Variants in HECTD2 observed in about 807,000 individuals in gnomAD.
HECTD2 encodes HECT domain E3 ubiquitin protein ligase 2.
Under a neutral mutation model 103.2 loss-of-function variants are expected in HECTD2, and 35 were observed. That is an observed-to-expected ratio of 0.34 (90% CI 0.26 to 0.45). The LOEUF (loss-of-function observed/expected upper bound fraction) is 0.45, where lower values mean the gene tolerates loss of function less well. Ranked by LOEUF, HECTD2 falls within the 20% of genes least tolerant of loss-of-function variation. The pLI is 1.00. For missense variants in HECTD2, 596 were observed against 937.4 expected (o/e 0.64, Z 4.76); for synonymous variants, 281 against 329.9 (o/e 0.85, Z 1.61).
intron 7 of HECTD2, among the ~76,000 whole-genome samples, chr10:91,482,122 G>C (rs116213176): frequency 0.011 from 1,710 of 151,918 alleles, 37 homozygotes; most frequent in African/African-American, 0.039. Context: ...ATATTGGTCA[G>C]CCATAAGCTC....
intron 6 of HECTD2, among the ~76,000 whole-genome samples, chr10:91,478,560 A>C (rs1845987471): frequency 6.6e-6 from 1 of 152,180 alleles, no homozygotes; most frequent in African/African-American, 2.4e-5. Flanking sequence ...ATGGGTACTT[A>C]CATCAGTAAC....
At chr10:91,460,281 A>G in intron 2 of HECTD2, 146 bp from the exon 3 acceptor site, 1 of 679,614 alleles carries the variant, frequency 1.5e-6, no homozygotes, top group South Asian at 2.3e-5. Flanking sequence ...AATGTCCTTC[A>G]CTATGGTTGG....
At chr10:91,500,365 G>T (rs1245528298) in intron 18 of HECTD2, 137 bp from the exon 19 acceptor site, 4 of 515,276 alleles carry the variant, frequency 7.8e-6, no homozygotes, top group African/African-American at 5.8e-5. Flanking sequence ...ACCCAGAGTC[G>T]ATTTTTCTTC....
At chr10:91,439,396 G>C (rs1419984262) in intron 2 of HECTD2, among the ~76,000 whole-genome samples, 1 of 152,034 alleles carries the variant, frequency 6.6e-6, no homozygotes, top group Non-Finnish European at 1.5e-5. Flanking sequence ...TAGATGTGTG[G>C]CATTATTTCT....
Position 91,478,218 on chromosome 10 carries a change from G to A in HECTD2, c.618G>A (p.Lys206=), listed in dbSNP as rs1190672111. Residue 206 remains lysine (K), a synonymous_variant, in exon 6 of 21, where the codon AAG becomes AAA. Transcript: ENST00000298068. ...GCCTACAGCCTCAAGACGTTCAGAA[G>A]ACAGTATTAAAGGGAATCATTAACA... is the stretch of plus-strand genomic sequence containing the variant. ...TLLNTPQDVQ[K]TVLKGIINSL... is the part of the protein sequence containing the mutation. The A allele has an allele frequency of 1.2e-6, 2 of 1,610,692 alleles. No individual in the cohort carries two copies.
chr10:91,449,231 AG>A (rs1564711531), intron 2 of HECTD2, among the ~76,000 whole-genome samples: 1 of 152,174 alleles, frequency 6.6e-6, no homozygotes, highest in African/African-American at 2.4e-5. Flanking sequence ...CTGGAATGCA[AG>A]GCTGGTTCAA....
Position 91,513,491 on chromosome 10 carries a change from A to ATAAAT in HECTD2, c.*1109_*1113dup, listed in dbSNP as rs1048938426. The ATAAAT allele has an allele frequency of 6.6e-6, 1 of 152,632 alleles. No homozygotes were observed. The highest frequency in any genetic ancestry group is 2.4e-5 in the African/African-American group (1 of 41,456). The allele number at this position is 152,632 out of a possible 1,614,324, so 9.5% of individuals were successfully genotyped here. On this transcript the variant is annotated 3_prime_UTR_variant, in exon 21 of 21. Transcript: ENST00000298068. ...TGTTTTTCACTGGATTCTGAATATA[A>ATAAAT]TAAATTCAAAGTACCCTTTTTTTAG...
rs1845376563 is a variant in HECTD2, at chr10:91,462,171, CCTTA to C, written c.592_595del (p.Leu198IlefsTer11). The C allele has an allele frequency of 1.9e-6, 3 of 1,583,758 alleles. No individual in the cohort carries two copies. Among genetic ancestry groups the C allele is most frequent in the Non-Finnish European group, 2.6e-6 (3 of 1,155,602 alleles). ...AAATTTGTGAATGCTGTGTATGATACCTTACTTAATACTGTAAGTATTATGACAT... is the reference window on the plus strand; with the variant it reads ...AAATTTGTGAATGCTGTGTATGATACCTTAATACTGTAAGTATTATGACAT... On this transcript the variant is annotated frameshift_variant, in exon 5 of 21. Transcript: ENST00000298068. LOFTEE classifies it high-confidence loss of function.
At chr10:91,456,452 C>T (rs867515411) in intron 2 of HECTD2, among the ~76,000 whole-genome samples, 36 of 152,246 alleles carry the variant, frequency 2.4e-4, no homozygotes, top group African/African-American at 8.2e-4. Flanking sequence ...GCTGAAGTTG[C>T]TTATCAGCTT....
intron 2 of HECTD2, among the ~76,000 whole-genome samples, chr10:91,436,776 A>G (rs1175325583): frequency 6.6e-6 from 1 of 151,984 alleles, no homozygotes; most frequent in Non-Finnish European, 1.5e-5. Context: ...AGTATAAATC[A>G]GTTACTTTGT....
chr10:91,481,264 A>G, intron 7 of HECTD2, 125 bp downstream of exon 7: 1 of 449,798 alleles, frequency 2.2e-6, no homozygotes, highest in Admixed American at 4.2e-5. Flanking sequence ...TTAGAATTAT[A>G]GTTACCTGTA....
chr10:91,455,623 T>C lies in HECTD2; in HGVS notation c.269-4804T>C, dbSNP rs1236782377. Among the ~76,000 whole-genome samples, 4 of 152,190 alleles carry C rather than the reference T, an allele frequency of 2.6e-5. No homozygotes were observed. The East Asian group carries it at 5.8e-4, about 22-fold the overall frequency. On this transcript the variant is annotated intron_variant, in intron 2 of 20. Coordinates refer to ENST00000298068, the MANE Select transcript of HECTD2 (RefSeq NM_182765.6). The stretch of plus-strand genomic sequence containing the variant: ...TGGCTTTTGTTGCCATTGCTTTTTG[T>C]GTTTTAGACATGAAGTCCTTGCCCA...
intron 14 of HECTD2, among the ~76,000 whole-genome samples, chr10:91,495,916 A>C (rs1846647387): frequency 6.6e-6 from 1 of 152,178 alleles, no homozygotes; most frequent in African/African-American, 2.4e-5. Flanking sequence ...TTTCTGTAAA[A>C]TAATTACAGG....
chr10:91,454,808 G>A (rs1845003336), intron 2 of HECTD2, among the ~76,000 whole-genome samples: 1 of 151,842 alleles, frequency 6.6e-6, no homozygotes, highest in African/African-American at 2.4e-5. Flanking sequence ...CTGTGAGTGA[G>A]AACATGCGGT....
chr10:91,511,029 A>G (rs917632716), intron 20 of HECTD2, among the ~76,000 whole-genome samples: 2 of 152,364 alleles, frequency 1.3e-5, no homozygotes, highest in South Asian at 4.1e-4. Context: ...CACTCAGCAC[A>G]GTGATTATCA....
intron 20 of HECTD2, among the ~76,000 whole-genome samples, chr10:91,505,508 G>T (rs1408333060): frequency 2.0e-5 from 3 of 151,154 alleles, no homozygotes; most frequent in African/African-American, 7.4e-5. Context: ...AACCAACAAA[G>T]ATCAAAAGAG....
intron 5 of HECTD2, among the ~76,000 whole-genome samples, chr10:91,470,497 G>A (rs1015373976): frequency 2.4e-4 from 37 of 152,208 alleles, no homozygotes; most frequent in Admixed American, 2.6e-4. Context: ...GAAATGTATC[G>A]AAACTAATGA....
chr10:91,510,841 G>A (rs1847394211), intron 20 of HECTD2, among the ~76,000 whole-genome samples: 1 of 152,162 alleles, frequency 6.6e-6, no homozygotes, highest in African/African-American at 2.4e-5. Flanking sequence ...GAACAACACT[G>A]GTTTTTTAAG....
At position 91,499,054 on chromosome 10, in the gene HECTD2, G is replaced by A. The variant is rs958734051; in HGVS notation, c.1854G>A (p.Gln618=). The change falls in exon 18 of 21, where the codon CAG becomes CAA. Residue 618 remains glutamine (Q), a synonymous_variant. Transcript: ENST00000298068. ...VTNQNRKEYV[Q]LYTDFLLNKS... ...AAAATTGCTTTTCAGAATATGTACA[G>A]CTTTATACTGACTTCCTTCTGAACA... is the stretch of plus-strand genomic sequence containing the variant. The A allele has an allele frequency of 3.7e-6, 6 of 1,609,000 alleles. No homozygotes were observed. In the African/African-American group the frequency reaches 5.3e-5, roughly 14 times the overall value.
Sources: allele counts gnomAD v4.1 joint callset (sites outside exome capture counted in the v4.1 genomes callset), GRCh38; gene constraint gnomAD v4.1.1; transcripts MANE v1.5; gene names NCBI Gene and HGNC (gene_info 2026-07-23, HGNC 2026-07-21).